Variants in ERCC6 observed in about 807,000 individuals in gnomAD.
ERCC6 encodes ERCC excision repair 6, chromatin remodeling factor, also known as DNA excision repair protein ERCC-6.
A neutral mutation model predicts 158.7 loss-of-function variants in ERCC6; 116 were observed. The observed-to-expected ratio is 0.73, with a 90% CI of 0.63 to 0.85. The LOEUF (loss-of-function observed/expected upper bound fraction) is 0.85. ERCC6 is among the 40% of genes least tolerant of loss of function. The probability of loss-of-function intolerance (pLI) is 0.00; values close to 1 mark genes in which losing one functional copy is unlikely to be tolerated. For synonymous variants in ERCC6, 678 were observed against 659.3 expected (o/e 1.03, Z -0.43); for missense variants, 1,698 against 1,799.4 (o/e 0.94, Z 1.02).
chr10:49,441,475 G>GA, the ERCC6 span, among the ~76,000 whole-genome samples: 1 of 152,174 alleles, frequency 6.6e-6, no homozygotes, highest in African/African-American at 2.4e-5. Context: ...CAGGACTAAT[G>GA]AAAAAAATTT....
intron 8 of ERCC6, among the ~76,000 whole-genome samples, chr10:49,490,066 T>C (rs539718592): frequency 6.6e-6 from 1 of 152,358 alleles, no homozygotes; most frequent in Non-Finnish European, 1.5e-5. Flanking sequence ...CTTGAACTTT[T>C]ATTAAATGCG....
intron 7 of ERCC6, among the ~76,000 whole-genome samples, chr10:49,499,734 C>G (rs1851325232): frequency 6.6e-6 from 1 of 152,158 alleles, no homozygotes; most frequent in African/African-American, 2.4e-5. Context: ...TGGAAGTGCT[C>G]ATAGTACTTT....
chr10:49,519,735 T>A (rs753938965), intron 5 of ERCC6, among the ~76,000 whole-genome samples: 16 of 152,198 alleles, frequency 1.1e-4, no homozygotes, highest in Non-Finnish European at 1.6e-4. Context: ...TCAACATCCT[T>A]ACCAACAATG....
intron 7 of ERCC6, among the ~76,000 whole-genome samples, chr10:49,497,960 C>A (rs574659871): frequency 3.3e-5 from 5 of 152,080 alleles, no homozygotes; most frequent in Non-Finnish European, 7.4e-5. Flanking sequence ...CAAATGATAT[C>A]CAAGACTTTA....
chr10:49,461,637 C>T (rs1850585897), intron 18 of ERCC6, 81 bp from the exon 19 acceptor site: 2 of 1,378,176 alleles, frequency 1.5e-6, no homozygotes, highest in South Asian at 1.2e-5. Context: ...AAGTACAGTA[C>T]TGTAGTAGAC....
chr10:49,476,386 T>G (rs1850878277), intron 11 of ERCC6, 76 bp from the exon 12 acceptor site: 6 of 1,017,320 alleles, frequency 5.9e-6, no homozygotes, highest in Admixed American at 3.9e-5. Context: ...TCAACAAAAC[T>G]TCCTGATCAA....
chr10:49,528,863 C>T (rs1837403597), intron 3 of ERCC6, among the ~76,000 whole-genome samples: 1 of 152,190 alleles, frequency 6.6e-6, no homozygotes, highest in African/African-American at 2.4e-5. Context: ...CCCCCTTACA[C>T]ACTGGGCAAA....
intron 8 of ERCC6, among the ~76,000 whole-genome samples, chr10:49,487,605 T>C (rs1187037619): frequency 6.6e-6 from 1 of 152,148 alleles, no homozygotes; most frequent in African/African-American, 2.4e-5. Flanking sequence ...CTGCGACCTT[T>C]AGAAGCCAAA....
chr10:49,524,304 G>A lies in ERCC6; in HGVS notation c.1126C>T (p.Pro376Ser). The change falls in exon 5 of 21, where the codon CCC becomes TCC. Residue 376 changes from proline to serine, a missense_variant. Physicochemically the swap from Pro to Ser is moderately conservative, Grantham distance 74. Coordinates refer to ENST00000355832, the MANE Select transcript of ERCC6 (RefSeq NM_000124.4). ...DSEGEESEYF[P>S]TEEEEEEEDD... ...TCCTCCTCTTCCTCCTCCTCTGTGG[G>A]GAAATACTCAGACTCTTCACCCTCA... 1.2e-6 allele frequency: 2 copies of A among 1,613,848 alleles called. No individual in the cohort carries two copies. The highest frequency in any genetic ancestry group is 1.7e-6 in the Non-Finnish European group (2 of 1,179,936).
chr10:49,534,417 G>T (rs76060723), intron 1 of ERCC6, among the ~76,000 whole-genome samples: 2,230 of 152,338 alleles, frequency 0.015, 47 homozygotes, highest in African/African-American at 0.05. Flanking sequence ...AATGTTTAGT[G>T]CAGCACATTT....
At chr10:49,490,984 T>C (rs1440667932) in intron 8 of ERCC6, among the ~76,000 whole-genome samples, 2 of 152,150 alleles carry the variant, frequency 1.3e-5, no homozygotes, top group African/African-American at 2.4e-5. Context: ...ATAAGAAACA[T>C]AGACTCTATT....
intron 5 of ERCC6, among the ~76,000 whole-genome samples, chr10:49,511,443 G>A (rs1278168252): frequency 1.0e-5 from 1 of 99,258 alleles, no homozygotes; most frequent in Non-Finnish European, 2.0e-5. Flanking sequence ...TTTTTTTTTT[G>A]AGACAAAGTC....
intron 5 of ERCC6, chr10:49,515,982 T>C (rs1836946691): frequency 6.2e-7 from 1 of 1,614,216 alleles, no homozygotes; most frequent in Non-Finnish European, 8.5e-7. Flanking sequence ...GTCAATGTGA[T>C]CCTTTCTCAC....
intron 18 of ERCC6, among the ~76,000 whole-genome samples, chr10:49,468,629 G>A (rs977043846): frequency 6.6e-6 from 1 of 152,132 alleles, no homozygotes; most frequent in Non-Finnish European, 1.5e-5. Context: ...GTATGTATGT[G>A]TATATGTATG....
At chr10:49,527,156 C>T (rs970477778) in intron 4 of ERCC6, among the ~76,000 whole-genome samples, 2 of 152,010 alleles carry the variant, frequency 1.3e-5, no homozygotes, top group Admixed American at 6.6e-5. Context: ...AGCTATTAAC[C>T]CTAGACAATG....
rs150277901 is a variant in ERCC6, at chr10:49,459,202, A to G, written c.4095T>C (p.Asn1365=). ...DGIMKKEGKD[N]VPEHFSGRAE... ...CTCTTCCACTAAAATGCTCAGGGACATTATCTTTTCCCTCCTTTTTCATGA... is the reference window on the plus strand; with the variant it reads ...CTCTTCCACTAAAATGCTCAGGGACGTTATCTTTTCCCTCCTTTTTCATGA... Residue 1365 remains asparagine, a synonymous_variant, in exon 21 of 21, where the codon AAT becomes AAC. Coordinates refer to ENST00000355832, the MANE Select transcript of ERCC6 (RefSeq NM_000124.4). 7 of 1,614,070 alleles carry G rather than the reference A, an allele frequency of 4.3e-6. No homozygotes were observed. The highest frequency in any genetic ancestry group is 8.5e-7 in the Non-Finnish European group (1 of 1,180,044).
At chr10:49,521,177 G>A (rs1332113244) in intron 5 of ERCC6, among the ~76,000 whole-genome samples, 1 of 152,206 alleles carries the variant, frequency 6.6e-6, no homozygotes, top group African/African-American at 2.4e-5. Context: ...ATAAAGCTAT[G>A]GAGGCTTACC....
downstream of ERCC6, among the ~76,000 whole-genome samples, chr10:49,452,572 T>C (rs913613755): frequency 6.6e-6 from 1 of 152,128 alleles, no homozygotes; most frequent in South Asian, 2.1e-4. Context: ...GGTGAAGTGT[T>C]CTATAGATGT....
the ERCC6 span, among the ~76,000 whole-genome samples, chr10:49,438,135 G>A: frequency 3.3e-5 from 5 of 152,292 alleles, no homozygotes; most frequent in East Asian, 9.7e-4. Context: ...GATCCAGTGT[G>A]GACCCCAGGG....
Sources: allele counts gnomAD v4.1 joint callset (sites outside exome capture counted in the v4.1 genomes callset), GRCh38; gene constraint gnomAD v4.1.1; transcripts MANE v1.5; gene names NCBI Gene and HGNC (gene_info 2026-07-23, HGNC 2026-07-21).